The following CABIN1 variants were observed in gnomAD, a reference collection of about 807,000 sequenced individuals.
The protein encoded by CABIN1 is calcineurin binding protein 1.
A neutral mutation model predicts 227.7 loss-of-function variants in CABIN1; 133 were observed. The observed-to-expected ratio is 0.58, with a 90% CI of 0.51 to 0.67. The LOEUF (loss-of-function observed/expected upper bound fraction) is 0.67, where lower values mean the gene tolerates loss of function less well. Among genes scored for constraint, CABIN1 ranks in the 30% least tolerant of loss-of-function variants. The pLI, the probability that CABIN1 is intolerant of heterozygous loss-of-function variation, is 0.00. For missense variants in CABIN1, 2,408 were observed against 2,852.5 expected (o/e 0.84, Z 3.55); for synonymous variants, 1,086 against 1,155.1 (o/e 0.94, Z 1.21).
chr22:24,122,050 C>CCCCA (rs767382681), intron 28 of CABIN1, among the ~76,000 whole-genome samples: 1 of 137,068 alleles, frequency 7.3e-6, no homozygotes, highest in African/African-American at 2.6e-5. Context: ...GCGATACGGG[C>CCCCA]CCCACCCACC....
intron 18 of CABIN1, among the ~76,000 whole-genome samples, chr22:24,073,921 A>C (rs1445591301): frequency 6.6e-6 from 1 of 152,148 alleles, no homozygotes; most frequent in African/African-American, 2.4e-5. Flanking sequence ...CTATTGAACC[A>C]TCCCCGCTGC....
rs147070577 is a variant in CABIN1, at chr22:24,069,526, C to T, written c.2233-1274C>T. Among the ~76,000 whole-genome samples, 8 of 152,296 alleles carry T rather than the reference C, an allele frequency of 5.3e-5. No homozygotes were observed. In the East Asian group the frequency reaches 1.5e-3, roughly 29 times the overall value. On this transcript the variant is annotated intron_variant, in intron 16 of 36. Transcript: ENST00000263119. ...CCGTTAGCAGGTCCTTGTCTTGTCC[C>T]TGACTTTCACAATGACTCTGGTTGC...
chr22:24,120,406 C>A (rs904807374), intron 28 of CABIN1, among the ~76,000 whole-genome samples: 4 of 152,322 alleles, frequency 2.6e-5, no homozygotes, highest in African/African-American at 9.6e-5. Context: ...GTGGCCTGGG[C>A]AGGACGTAAA....
intron 26 of CABIN1, among the ~76,000 whole-genome samples, chr22:24,113,179 GTGCA>G (rs1186714069): frequency 1.3e-5 from 2 of 152,248 alleles, no homozygotes; most frequent in African/African-American, 2.4e-5. Flanking sequence ...GGTGGCTACT[GTGCA>G]TCTCTTCCTA....
At chr22:24,052,108 G>A (rs926315291) in intron 8 of CABIN1, among the ~76,000 whole-genome samples, 1 of 152,168 alleles carries the variant, frequency 6.6e-6, no homozygotes, top group African/African-American at 2.4e-5. Context: ...GTGCCTCCCT[G>A]TTACAGTGAA....
chr22:24,174,567 C>T (rs2047003188), intron 34 of CABIN1, among the ~76,000 whole-genome samples: 2 of 152,096 alleles, frequency 1.3e-5, no homozygotes, highest in African/African-American at 4.8e-5. Context: ...TGTACCAGTC[C>T]CATGCTCTCG....
Position 24,152,109 on chromosome 22 carries a change from A to C in CABIN1, c.4747-12291A>C, listed in dbSNP as rs542531735. 2.6e-5 allele frequency among the ~76,000 whole-genome samples: 4 copies of C among 152,334 alleles called. No individual in the cohort carries two copies. In the East Asian group the frequency reaches 5.8e-4, roughly 22 times the overall value. ...GCATGTGCCGTCCCCGTGGATGTGCACGTGATCCAGGCACAGCTGTCCACT... is the reference window on the plus strand; with the variant it reads ...GCATGTGCCGTCCCCGTGGATGTGCCCGTGATCCAGGCACAGCTGTCCACT... On this transcript the variant is annotated intron_variant, in intron 29 of 36. Transcript: ENST00000263119.
intron 29 of CABIN1, among the ~76,000 whole-genome samples, chr22:24,134,743 C>A (rs2044286742): frequency 6.6e-6 from 1 of 152,226 alleles, no homozygotes; most frequent in Non-Finnish European, 1.5e-5. Context: ...GCTGGAGCAG[C>A]TCCTGTGGTC....
intron 22 of CABIN1, among the ~76,000 whole-genome samples, chr22:24,085,440 G>A (rs1307422014): frequency 2.6e-5 from 4 of 152,210 alleles, no homozygotes; most frequent in African/African-American, 9.6e-5. Flanking sequence ...GGTGTGCAGG[G>A]CAAGGAGGCG....
intron 33 of CABIN1, among the ~76,000 whole-genome samples, chr22:24,170,429 T>C (rs1250130145): frequency 2.6e-5 from 4 of 152,156 alleles, no homozygotes; most frequent in South Asian, 4.1e-4. Flanking sequence ...TGAGGCCCGC[T>C]CCTGAGCGAG....
At chr22:24,111,668 T>C (rs78960173) in intron 26 of CABIN1, among the ~76,000 whole-genome samples, 344 of 152,350 alleles carry the variant, frequency 2.3e-3, no homozygotes, top group Non-Finnish European at 3.7e-3. Context: ...TGCAAGAATA[T>C]TGTACTGCAT....
intron 26 of CABIN1, among the ~76,000 whole-genome samples, chr22:24,104,076 G>A (rs74856246): frequency 0.012 from 1,861 of 152,248 alleles, 34 homozygotes; most frequent in African/African-American, 0.043. Context: ...ACTTTGAGGG[G>A]AGAGAGCTTG....
In CABIN1 at chr22:24,159,557, G is replaced by A. The variant is rs149805192; in HGVS notation, c.4747-4843G>A. On this transcript the variant is annotated intron_variant, in intron 29 of 36. Coordinates refer to ENST00000263119, the MANE Select transcript of CABIN1 (RefSeq NM_012295.4). ...TCCTTCCTCAGCACCCCTGTGCAGC[G>A]CCCAGGCAGCTCCTTCACAGCCATT... Among the ~76,000 whole-genome samples the A allele has an allele frequency of 4.0e-3, 609 of 152,288 alleles. 3 individuals carry two copies. Among genetic ancestry groups the A allele is most frequent in the African/African-American group, 0.014 (583 of 41,560 alleles).
chr22:24,104,569 C>T (rs1027070776), intron 26 of CABIN1, among the ~76,000 whole-genome samples: 1 of 152,236 alleles, frequency 6.6e-6, no homozygotes, highest in Non-Finnish European at 1.5e-5. Flanking sequence ...CTGGCCCTCA[C>T]ACAATGCCGT....
intron 6 of CABIN1, among the ~76,000 whole-genome samples, chr22:24,047,708 C>T (rs1457551514): frequency 2.0e-5 from 3 of 152,258 alleles, no homozygotes; most frequent in Admixed American, 6.5e-5. Flanking sequence ...ACTTTCTCCT[C>T]TCCCAAGGCT....
At chr22:24,141,962 A>G (rs1225327538) in intron 29 of CABIN1, among the ~76,000 whole-genome samples, 1 of 152,056 alleles carries the variant, frequency 6.6e-6, no homozygotes, top group African/African-American at 2.4e-5. Context: ...TCCCCACCCA[A>G]TTTCTGGTAC....
At chr22:24,119,950 T>C (rs193171809) in intron 28 of CABIN1, among the ~76,000 whole-genome samples, 245 of 151,814 alleles carry the variant, frequency 1.6e-3, no homozygotes, top group African/African-American at 5.6e-3. Flanking sequence ...GTCTCAGGGA[T>C]AGGCTATGGG....
intron 29 of CABIN1, among the ~76,000 whole-genome samples, chr22:24,149,368 G>A (rs528148018): frequency 2.0e-5 from 3 of 152,300 alleles, no homozygotes; most frequent in African/African-American, 7.2e-5. Flanking sequence ...AACACTCTGG[G>A]AAAGCATGTT....
At chr22:24,071,456 A>G (rs937354205) in intron 17 of CABIN1, among the ~76,000 whole-genome samples, 3 of 152,124 alleles carry the variant, frequency 2.0e-5, no homozygotes, top group African/African-American at 7.2e-5. Flanking sequence ...TCGTCCAGGA[A>G]GTCTTTAAGG....
Sources: gnomAD v4.1 joint callset for allele counts (sites outside exome capture counted in the v4.1 genomes callset) on GRCh38, gnomAD v4.1.1 for gene constraint, MANE v1.5 for transcripts, NCBI Gene and HGNC (gene_info 2026-07-23, HGNC 2026-07-21) for gene names.